The following TMEM263 variants were observed in gnomAD, a reference collection of about 807,000 sequenced individuals.
TMEM263 encodes the protein UPF0444 transmembrane protein C12orf23.
In TMEM263, 5 loss-of-function variants were observed where a neutral mutation model predicts 8.6. The ratio of observed to expected loss-of-function variants is 0.58; its 90% CI spans 0.31 to 1.23. The LOEUF (loss-of-function observed/expected upper bound fraction) is 1.23, where lower values mean the gene tolerates loss of function less well. TMEM263 is among the 50% of genes most tolerant of loss of function. The probability of loss-of-function intolerance (pLI) is 0.07; values close to 1 mark genes in which losing one functional copy is unlikely to be tolerated. For missense variants in TMEM263, 104 were observed against 138.8 expected (o/e 0.75, Z 1.26); for synonymous variants, 50 against 47.9 (o/e 1.04, Z -0.18).
chr12:106,956,213 G>A lies in TMEM263; in HGVS notation c.-75+148G>A, dbSNP rs567261009. On this transcript the variant is annotated intron_variant, in intron 1 of 3. Transcript: ENST00000280756. ...CCTTGGCGAGGCCCCAGCGGGAAAG[G>A]GGGAGGGGCGGGACGAAGTTGGGGG... The A allele has an allele frequency of 9.3e-4, 266 of 285,654 alleles. 1 individual carries two copies. Among genetic ancestry groups the A allele is most frequent in the African/African-American group, 5.6e-3 (247 of 43,994 alleles). The allele number at this position is 285,654 out of a possible 1,614,324, so 17.7% of individuals were successfully genotyped here.
intron 3 of TMEM263, 41 bp from the exon 4 acceptor site, chr12:106,971,064 T>C: frequency 6.3e-7 from 1 of 1,599,504 alleles, no homozygotes; most frequent in Non-Finnish European, 8.5e-7. Context: ...TAAAGACTTG[T>C]GACTTATATT....
rs571459566 is a variant in TMEM263 at position 106,969,876 on chromosome 12, TA to T, written c.65-1217del. 4.8e-3 allele frequency among the ~76,000 whole-genome samples: 703 copies of T among 145,338 alleles called. 10 individuals are homozygous for T. The highest frequency in any genetic ancestry group is 7.1e-3 in the East Asian group (36 of 5,068). ...ACATGCTAATATATGTGGCTCTATT[TA>T]AAAAAAAAAAACAAAGAAAATAAAC... is the stretch of plus-strand genomic sequence containing the variant. On this transcript the variant is annotated intron_variant, in intron 3 of 3. Coordinates refer to ENST00000280756, the MANE Select transcript of TMEM263 (RefSeq NM_152261.4).
rs1263962735 is a variant in TMEM263, at chr12:106,972,983, T to A, written c.*1592T>A. On this transcript the variant is annotated 3_prime_UTR_variant, in exon 4 of 4. Coordinates refer to ENST00000280756, the MANE Select transcript of TMEM263 (RefSeq NM_152261.4). Reference sequence around the variant, plus strand: ...CATTCTAACACCCAAGGCTTGTTTATAAAATACTTGAGAATTACATTAATG... The same window carrying A: ...CATTCTAACACCCAAGGCTTGTTTAAAAAATACTTGAGAATTACATTAATG... 2 of 151,734 alleles carry A rather than the reference T, an allele frequency of 1.3e-5. No homozygotes were observed. The highest frequency in any genetic ancestry group is 4.8e-5 in the African/African-American group (2 of 41,326). 9.4% of individuals were successfully genotyped at this position (151,734 alleles called of 1,614,324 possible). A position where few individuals can be genotyped will look rare whatever the true frequency, so the allele number is the denominator to read the frequency against.
intron 2 of TMEM263, among the ~76,000 whole-genome samples, chr12:106,965,887 G>T (rs1429498008): frequency 1.3e-5 from 2 of 152,012 alleles, no homozygotes; most frequent in Non-Finnish European, 2.9e-5. Context: ...CATCAAAATT[G>T]ATCTGTTACT....
At chr12:106,959,940 A>G (rs1314223473) in intron 2 of TMEM263, among the ~76,000 whole-genome samples, 1 of 152,218 alleles carries the variant, frequency 6.6e-6, no homozygotes, top group African/African-American at 2.4e-5. Flanking sequence ...AAAAATTAGT[A>G]ATAATTTTTA....
intron 3 of TMEM263, 169 bp downstream of exon 3, chr12:106,967,349 C>A: frequency 2.1e-6 from 1 of 469,994 alleles, no homozygotes; most frequent in Non-Finnish European, 3.7e-6. Context: ...ACCTCCGCTT[C>A]CTGGGTTCAA....
At chr12:106,960,604 TCATGGTGGG>T (rs1951759599) in intron 2 of TMEM263, among the ~76,000 whole-genome samples, 1 of 152,132 alleles carries the variant, frequency 6.6e-6, no homozygotes, top group Non-Finnish European at 1.5e-5. Context: ...CAGAATGAAC[TCATGGTGGG>T]CGTGGGAGTG....
intron 3 of TMEM263, among the ~76,000 whole-genome samples, chr12:106,968,355 G>T (rs866317349): frequency 1.3e-5 from 2 of 149,446 alleles, no homozygotes; most frequent in African/African-American, 4.9e-5. Flanking sequence ...CAGCCTGGGC[G>T]ACAGAGTGAG....
chr12:106,969,743 T>A (rs913595004), intron 3 of TMEM263, among the ~76,000 whole-genome samples: 146 of 147,092 alleles, frequency 9.9e-4, no homozygotes, highest in African/African-American at 2.5e-3. Context: ...AAAAAAAAAA[T>A]ATTAGATTAC....
intron 2 of TMEM263, among the ~76,000 whole-genome samples, chr12:106,961,134 A>G (rs1414811248): frequency 2.6e-5 from 4 of 151,440 alleles, no homozygotes; most frequent in African/African-American, 9.7e-5. Context: ...GGCTCACTGC[A>G]GCTGCTTTAA....
intron 2 of TMEM263, among the ~76,000 whole-genome samples, chr12:106,962,555 C>G (rs1951793156): frequency 6.6e-6 from 1 of 152,186 alleles, no homozygotes; most frequent in South Asian, 2.1e-4. Flanking sequence ...TCTCATCACT[C>G]TTTTCCTTGA....
intron 2 of TMEM263, among the ~76,000 whole-genome samples, chr12:106,958,508 C>G (rs1272383378): frequency 3.3e-5 from 5 of 152,112 alleles, no homozygotes; most frequent in Admixed American, 3.3e-4. Context: ...TTGTACTGGG[C>G]AAGAATTATT....
At chr12:106,969,687 C>G (rs1175027187) in intron 3 of TMEM263, among the ~76,000 whole-genome samples, 1 of 149,752 alleles carries the variant, frequency 6.7e-6, no homozygotes, top group Non-Finnish European at 1.5e-5. Flanking sequence ...GATCACGCCA[C>G]TGCACTCCAG....
chr12:106,959,623 C>T lies in TMEM263; in HGVS notation c.-7+2474C>T, dbSNP rs192090841. Among the ~76,000 whole-genome samples the T allele has an allele frequency of 3.4e-4, 52 of 152,266 alleles. 1 individual carries two copies. The East Asian group carries it at 8.9e-3, about 26-fold the overall frequency. Reference sequence around the variant, plus strand: ...ACCTTTCAGAGTTTTAGATTGGGGTCTATTTATCTTCACAGTTCCTACTAT... The same window carrying T: ...ACCTTTCAGAGTTTTAGATTGGGGTTTATTTATCTTCACAGTTCCTACTAT... On this transcript the variant is annotated intron_variant, in intron 2 of 3. Transcript: ENST00000280756.
Position 106,973,240 on chromosome 12 carries a change from TAAAA to T in TMEM263, c.*1856_*1859del. ...AAATGTCATAATCAGCAAACGGGAT[TAAAA>T]AAAAAACTCCAAAATCACTAAATAA... On this transcript the variant is annotated 3_prime_UTR_variant, in exon 4 of 4. Coordinates refer to ENST00000280756, the MANE Select transcript of TMEM263 (RefSeq NM_152261.4). 6.7e-6 allele frequency: 1 copy of T among 148,706 alleles called. No homozygotes were observed. The highest frequency in any genetic ancestry group is 2.1e-4 in the South Asian group (1 of 4,702). The allele number at this position is 148,706 out of a possible 1,614,324, so 9.2% of individuals were successfully genotyped here.
chr12:106,966,546 T>C (rs909377650), intron 2 of TMEM263, among the ~76,000 whole-genome samples: 1 of 152,226 alleles, frequency 6.6e-6, no homozygotes, highest in Non-Finnish European at 1.5e-5. Context: ...TTGAGAAATC[T>C]CCAAACTGTT....
At chr12:106,966,315 G>T (rs561002773) in intron 2 of TMEM263, among the ~76,000 whole-genome samples, 1 of 152,298 alleles carries the variant, frequency 6.6e-6, no homozygotes, top group Non-Finnish European at 1.5e-5. Context: ...CAAAGGACAT[G>T]ATCTCATTCT....
Position 106,957,168 on chromosome 12 carries a change from GTGTGTGTGTGT to G in TMEM263, c.-7+20_-7+30del. The G allele has an allele frequency of 3.9e-5, 2 of 51,010 alleles. No individual in the cohort carries two copies. Among genetic ancestry groups the G allele is most frequent in the Non-Finnish European group, 4.3e-5 (2 of 46,996 alleles). The allele number at this position is 51,010 out of a possible 1,614,324, so 3.2% of individuals were successfully genotyped here. On this transcript the variant is annotated intron_variant, in intron 2 of 3. Coordinates refer to ENST00000280756, the MANE Select transcript of TMEM263 (RefSeq NM_152261.4). ...CCAACAGGTAAACGCGCGCGCCCGT[GTGTGTGTGTGT>G]GTGTGTGTGTGTGTGTGTGTGTGTG...
chr12:106,968,438 A>C (rs1434056824), intron 3 of TMEM263, among the ~76,000 whole-genome samples: 1 of 152,144 alleles, frequency 6.6e-6, no homozygotes, highest in African/African-American at 2.4e-5. Flanking sequence ...ATAGCCTGGA[A>C]AATTACTAAC....
Sources: allele counts gnomAD v4.1 joint callset (sites outside exome capture counted in the v4.1 genomes callset), GRCh38; gene constraint gnomAD v4.1.1; transcripts MANE v1.5; gene names NCBI Gene and HGNC (gene_info 2026-07-23, HGNC 2026-07-21).